Variants in PSEN1 observed in about 807,000 individuals in gnomAD.
PSEN1 encodes the protein presenilin 1, also known as presenilin-1.
In PSEN1, 15 loss-of-function variants were observed where a neutral mutation model predicts 53.5. The ratio of observed to expected loss-of-function variants is 0.28; its 90% CI spans 0.19 to 0.43. The LOEUF (loss-of-function observed/expected upper bound fraction) is 0.43. PSEN1 is among the 20% of genes least tolerant of loss of function. The pLI, the probability that PSEN1 is intolerant of heterozygous loss-of-function variation, is 1.00. For synonymous variants in PSEN1, 208 were observed against 209.8 expected (o/e 0.99, Z 0.08); for missense variants, 387 against 571.2 (o/e 0.68, Z 3.29).
intron 10 of PSEN1, among the ~76,000 whole-genome samples, chr14:73,216,721 T>G (rs920163576): frequency 6.6e-5 from 10 of 151,614 alleles, no homozygotes; most frequent in Non-Finnish European, 1.3e-4. Flanking sequence ...ATCATGCTGC[T>G]GTACTCCAGC....
At chr14:73,193,237 G>A (rs968702525) in intron 7 of PSEN1, among the ~76,000 whole-genome samples, 1 of 152,076 alleles carries the variant, frequency 6.6e-6, no homozygotes, top group Admixed American at 6.5e-5. Flanking sequence ...TTGAGCCCAG[G>A]AGGTCAAGGC....
At chr14:73,191,078 T>C (rs1167835623) in intron 6 of PSEN1, among the ~76,000 whole-genome samples, 1 of 152,224 alleles carries the variant, frequency 6.6e-6, no homozygotes, top group Non-Finnish European at 1.5e-5. Flanking sequence ...TGTTGTTAGA[T>C]GGTGGATTTT....
chr14:73,173,646 T>A lies in PSEN1; in HGVS notation c.419T>A (p.Ile140Asn), dbSNP rs765670175. The A allele has an allele frequency of 1.2e-6, 2 of 1,613,860 alleles. No individual in the cohort carries two copies. Among genetic ancestry groups the A allele is most frequent in the Admixed American group, 3.3e-5 (2 of 60,016 alleles). The change falls in exon 5 of 12, where the codon ATC becomes AAC. Residue 140 changes from isoleucine to asparagine, a missense_variant. Physicochemically the swap from Ile to Asn is moderately radical, Grantham distance 149 (BLOSUM62 -3). Coordinates refer to ENST00000324501, the MANE Select transcript of PSEN1 (RefSeq NM_000021.4). ...TCAATTCTGAATGCTGCCATCATGA[T>A]CAGTGTCATTGTTGTCATGACTATC... ...LHSILNAAIM[I>N]SVIVVMTILL...
At chr14:73,152,144 CCT>C (rs1030158211) in intron 3 of PSEN1, among the ~76,000 whole-genome samples, 17 of 145,758 alleles carry the variant, frequency 1.2e-4, no homozygotes, top group Middle Eastern at 3.9e-3. Context: ...GATCTCCTGA[CCT>C]CGTGATTCGC....
chr14:73,186,863 C>T lies in PSEN1; in HGVS notation c.491C>T (p.Ala164Val), dbSNP rs1555354560. 1 of 1,611,644 alleles carries T rather than the reference C, an allele frequency of 6.2e-7. No homozygotes were observed. Among genetic ancestry groups the T allele is most frequent in the Middle Eastern group, 1.7e-4 (1 of 6,054 alleles). ...YKYRCYKVIH[A>V]WLIISSLLLL... ...TGCTTTCTTTTCTAGGTCATCCATGCCTGGCTTATTATATCATCTCTATTG... is the reference window on the plus strand; with the variant it reads ...TGCTTTCTTTTCTAGGTCATCCATGTCTGGCTTATTATATCATCTCTATTG... Residue 164 changes from alanine to valine, a missense_variant, in exon 6 of 12, where the codon GCC becomes GTC. By Grantham distance (64) the Ala-to-Val change is moderately conservative. Coordinates refer to ENST00000324501, the MANE Select transcript of PSEN1 (RefSeq NM_000021.4).
chr14:73,211,737 AT>A, intron 9 of PSEN1, 31 bp from the exon 10 acceptor site: 1 of 1,612,834 alleles, frequency 6.2e-7, no homozygotes, highest in Non-Finnish European at 8.5e-7. Context: ...TTTTCTAAAT[AT>A]TAGAGCTGTA....
At chr14:73,149,216 G>C (rs1897151742) in intron 3 of PSEN1, among the ~76,000 whole-genome samples, 1 of 152,138 alleles carries the variant, frequency 6.6e-6, no homozygotes, top group Non-Finnish European at 1.5e-5. Context: ...TGGCATGGTG[G>C]TGCATGCTTG....
chr14:73,172,470 C>T (rs1487426384), intron 4 of PSEN1, among the ~76,000 whole-genome samples: 1 of 152,160 alleles, frequency 6.6e-6, no homozygotes, highest in African/African-American at 2.4e-5. Context: ...CAGCCACAGG[C>T]CAGATCTGTC....
intron 5 of PSEN1, among the ~76,000 whole-genome samples, chr14:73,179,995 T>TA (rs919995262): frequency 1.3e-5 from 2 of 150,844 alleles, no homozygotes; most frequent in African/African-American, 2.4e-5. Flanking sequence ...TATTTTATTT[T>TA]TTTTTTTGAG....
chr14:73,220,173 C>T lies in PSEN1; in HGVS notation c.*884C>T, dbSNP rs532577464. On this transcript the variant is annotated 3_prime_UTR_variant, in exon 12 of 12. Transcript: ENST00000324501. Reference sequence around the variant, plus strand: ...CGCTCACTTGCCCCAGATGCCTCCTCTGTCCTCATTCTTCTCTCCCACACA... The same window carrying T: ...CGCTCACTTGCCCCAGATGCCTCCTTTGTCCTCATTCTTCTCTCCCACACA... 1.3e-5 allele frequency: 2 copies of T among 152,426 alleles called. No homozygotes were observed. The highest frequency in any genetic ancestry group is 3.9e-4 in the East Asian group (2 of 5,184). The allele number at this position is 152,426 out of a possible 1,614,324, so 9.4% of individuals were successfully genotyped here. A position where few individuals can be genotyped will look rare whatever the true frequency, so the allele number is the denominator to read the frequency against.
At chr14:73,161,873 G>C (rs1897549362) in intron 3 of PSEN1, among the ~76,000 whole-genome samples, 1 of 152,024 alleles carries the variant, frequency 6.6e-6, no homozygotes, top group South Asian at 2.1e-4. Context: ...GCTGTTTATA[G>C]GCCGGGCGCA....
chr14:73,159,013 A>G (rs1305147875), intron 3 of PSEN1, among the ~76,000 whole-genome samples: 1 of 152,064 alleles, frequency 6.6e-6, no homozygotes, highest in Non-Finnish European at 1.5e-5. Context: ...ATCTTTGGTG[A>G]CTTGTCTGTT....
chr14:73,167,186 G>A (rs1019281024), intron 3 of PSEN1, among the ~76,000 whole-genome samples: 1 of 151,984 alleles, frequency 6.6e-6, no homozygotes, highest in Non-Finnish European at 1.5e-5. Context: ...TAGACAGAAC[G>A]GCAAGAGAGA....
At chr14:73,151,080 A>C (rs1227391276) in intron 3 of PSEN1, among the ~76,000 whole-genome samples, 4 of 152,046 alleles carry the variant, frequency 2.6e-5, no homozygotes, top group African/African-American at 9.7e-5. Flanking sequence ...AAAAAAAACA[A>C]AAAAAAACTT....
intron 6 of PSEN1, among the ~76,000 whole-genome samples, chr14:73,187,235 A>G (rs974475977): frequency 6.6e-6 from 1 of 152,246 alleles, no homozygotes; most frequent in Non-Finnish European, 1.5e-5. Context: ...AAGAATGTAT[A>G]AAAACCAAAA....
chr14:73,138,226 ATTTATTTT>A (rs1264297127), intron 1 of PSEN1: 2 of 141,024 alleles, frequency 1.4e-5, no homozygotes, highest in African/African-American at 5.7e-5. Context: ...TTATTTATTT[ATTTATTTT>A]TTGAGACGGA....
intron 8 of PSEN1, among the ~76,000 whole-genome samples, chr14:73,202,242 C>T (rs1471121638): frequency 6.7e-6 from 1 of 148,586 alleles, no homozygotes; most frequent in Non-Finnish European, 1.5e-5. Context: ...AGTTGAGCCA[C>T]AGGTTGGGAG....
intron 11 of PSEN1, among the ~76,000 whole-genome samples, chr14:73,218,853 A>G (rs1230368642): frequency 6.6e-6 from 1 of 152,130 alleles, no homozygotes; most frequent in East Asian, 1.9e-4. Context: ...GTATCTTTTA[A>G]TTTTTTTCAA....
chr14:73,151,878 T>TTATATATATA (rs768963474), intron 3 of PSEN1, among the ~76,000 whole-genome samples: 10 of 56,928 alleles, frequency 1.8e-4, no homozygotes, highest in African/African-American at 5.5e-4. Context: ...CTAAAATATT[T>TTATATATATA]TATATATATA....
Sources: allele counts gnomAD v4.1 joint callset (sites outside exome capture counted in the v4.1 genomes callset), GRCh38; gene constraint gnomAD v4.1.1; transcripts MANE v1.5; gene names NCBI Gene and HGNC (gene_info 2026-07-23, HGNC 2026-07-21).